The following CELF2 variants were observed in gnomAD, a reference collection of about 807,000 sequenced individuals.
CELF2 encodes the protein CUG triplet repeat RNA-binding protein 2.
A neutral mutation model predicts 62.6 loss-of-function variants in CELF2; 8 were observed. The ratio of observed to expected loss-of-function variants is 0.13; its 90% CI spans 0.07 to 0.23. The LOEUF (loss-of-function observed/expected upper bound fraction) is 0.23, where lower values mean the gene tolerates loss of function less well. CELF2 is among the 10% of genes least tolerant of loss of function. The probability of loss-of-function intolerance (pLI) is 1.00; values close to 1 mark genes in which losing one functional copy is unlikely to be tolerated. For synonymous variants in CELF2, 258 were observed against 250.0 expected, an observed-to-expected ratio of 1.03 and a Z score of -0.30; for missense variants, 333 against 671.0, an observed-to-expected ratio of 0.50 and a Z score of 5.56.
the CELF2 span, among the ~76,000 whole-genome samples, chr10:10,714,686 G>A: frequency 1.3e-5 from 2 of 152,098 alleles, no homozygotes; most frequent in African/African-American, 4.8e-5. Context: ...TTCTTTAGAA[G>A]GGATACCTTT....
the CELF2 span, among the ~76,000 whole-genome samples, chr10:10,500,543 G>A: frequency 7.9e-5 from 12 of 152,264 alleles, no homozygotes; most frequent in South Asian, 4.1e-4. Context: ...CTGCCGCCAT[G>A]TAAGACATGC....
intron 1 of CELF2, among the ~76,000 whole-genome samples, chr10:11,099,125 G>T (rs1029040670): frequency 1.2e-4 from 18 of 152,182 alleles, no homozygotes; most frequent in African/African-American, 3.6e-4. Flanking sequence ...TCAGTTGGAA[G>T]GAACTATTTG....
intron 1 of CELF2, among the ~76,000 whole-genome samples, chr10:10,829,525 AT>A (rs1554846771): frequency 6.6e-6 from 1 of 152,204 alleles, no homozygotes; most frequent in Non-Finnish European, 1.5e-5. Context: ...ATTTTGATCA[AT>A]TCAATCAATT....
chr10:10,650,039 C>G, the CELF2 span, among the ~76,000 whole-genome samples: 1 of 152,176 alleles, frequency 6.6e-6, no homozygotes, highest in East Asian at 1.9e-4. Flanking sequence ...TCCAGGAATG[C>G]CAATCACATT....
At chr10:10,776,900 C>T in the CELF2 span, among the ~76,000 whole-genome samples, 2 of 152,242 alleles carry the variant, frequency 1.3e-5, no homozygotes, top group East Asian at 1.9e-4. Context: ...CTACAAAGGT[C>T]AACACGTCCT....
intron 9 of CELF2, 97 bp downstream of exon 9, chr10:11,288,649 C>G: frequency 1.4e-6 from 2 of 1,380,606 alleles, no homozygotes; most frequent in Non-Finnish European, 2.0e-6. Context: ...TAGACGTGTC[C>G]AGGATGGAGC....
In CELF2 at chr10:11,214,349, G is replaced by T. The variant is rs535962936; in HGVS notation, c.272-3076G>T. Among the ~76,000 whole-genome samples, 2 of 152,282 alleles carry T rather than the reference G, an allele frequency of 1.3e-5. No individual in the cohort carries two copies. Among genetic ancestry groups the T allele is most frequent in the African/African-American group, 4.8e-5 (2 of 41,550 alleles). ...TGAGGAGGTAAGATATTTCCCCACG[G>T]TAAGTCATTCAGAAACTAAATGTGA... On this transcript the variant is annotated intron_variant, in intron 2 of 12. Coordinates refer to ENST00000633077, the MANE Select transcript of CELF2 (RefSeq NM_001326342.2). The surrounding 1 kb of genome is among the most constrained non-coding windows in gnomAD (Gnocchi z 4.2).
chr10:11,024,418 T>C (rs939437439), intron 1 of CELF2, among the ~76,000 whole-genome samples: 1 of 152,168 alleles, frequency 6.6e-6, no homozygotes, highest in Admixed American at 6.5e-5. Context: ...CTGGCCAACA[T>C]GGCAAAACCC....
At chr10:11,160,042 G>C (rs2133110195) in intron 1 of CELF2, among the ~76,000 whole-genome samples, 1 of 152,346 alleles carries the variant, frequency 6.6e-6, no homozygotes, top group Admixed American at 6.5e-5. Context: ...CAGCTCTCCA[G>C]CCTGCAGCCT....
At chr10:11,077,730 T>C (rs2072519699) in intron 1 of CELF2, among the ~76,000 whole-genome samples, 1 of 152,168 alleles carries the variant, frequency 6.6e-6, no homozygotes, top group Admixed American at 6.6e-5. Flanking sequence ...GGGGTGAGCC[T>C]CTTGACAGAT....
chr10:10,632,203 G>C, the CELF2 span, among the ~76,000 whole-genome samples: 1 of 152,122 alleles, frequency 6.6e-6, no homozygotes, highest in Admixed American at 6.5e-5. Context: ...ATTTAAATCT[G>C]ATCTAAAACT....
chr10:10,985,476 T>C (rs1209941782), intron 2 of CELF2, among the ~76,000 whole-genome samples: 1 of 152,184 alleles, frequency 6.6e-6, no homozygotes, highest in Non-Finnish European at 1.5e-5. Context: ...AGGGCCCTTT[T>C]GTAAGACACC....
the CELF2 span, among the ~76,000 whole-genome samples, chr10:10,687,210 T>C: frequency 9.1e-3 from 1,391 of 152,314 alleles, 23 homozygotes; most frequent in African/African-American, 0.032. Flanking sequence ...TTTTAATGGA[T>C]ACTGGTCACC....
intron 1 of CELF2, among the ~76,000 whole-genome samples, chr10:11,070,129 A>AT (rs151319386): frequency 6.6e-6 from 1 of 151,772 alleles, no homozygotes. Flanking sequence ...CAAAAAGTAA[A>AT]AAAATAAAAG....
chr10:10,851,897 A>T (rs1383806994), intron 1 of CELF2, among the ~76,000 whole-genome samples: 1 of 152,166 alleles, frequency 6.6e-6, no homozygotes. Flanking sequence ...GAAACTAGTG[A>T]CCTGTTCCTG....
chr10:10,764,936 T>C, the CELF2 span, among the ~76,000 whole-genome samples: 3 of 152,280 alleles, frequency 2.0e-5, no homozygotes, highest in East Asian at 3.9e-4. Flanking sequence ...AAGCCTGAGA[T>C]AAAAGCTCAT....
intron 1 of CELF2, among the ~76,000 whole-genome samples, chr10:10,859,565 GA>G (rs1356106358): frequency 6.6e-6 from 1 of 152,078 alleles, no homozygotes; most frequent in Non-Finnish European, 1.5e-5. Flanking sequence ...ATTTCACATA[GA>G]AAAATGTTTT....
At chr10:10,798,089 G>A (rs2054267399), upstream of CELF2, among the ~76,000 whole-genome samples, 1 of 152,114 alleles carries the variant, frequency 6.6e-6, no homozygotes, top group African/African-American at 2.4e-5. Flanking sequence ...AGCCAGCAAA[G>A]GGTGGGGGAG....
Position 11,224,657 on chromosome 10 carries a change from G to A in CELF2, c.354+7150G>A, listed in dbSNP as rs576972655. Among the ~76,000 whole-genome samples the A allele has an allele frequency of 1.4e-4, 21 of 152,162 alleles. No individual in the cohort carries two copies. The highest frequency in any genetic ancestry group is 2.8e-4 in the Non-Finnish European group (19 of 68,034). ...AAATTGTCCAAATTCTGTCATTAGC[G>A]TATAGGGTTTCCATGAGAACTCATC... On this transcript the variant is annotated intron_variant, in intron 3 of 12. Coordinates refer to ENST00000633077, the MANE Select transcript of CELF2 (RefSeq NM_001326342.2). The surrounding 1 kb of genome is among the most constrained non-coding windows in gnomAD (Gnocchi z 4.5).
Sources: gnomAD v4.1 joint callset for allele counts (sites outside exome capture counted in the v4.1 genomes callset) on GRCh38, gnomAD v4.1.1 for gene constraint, Gnocchi (gnomAD v3.1) non-coding constraint, MANE v1.5 for transcripts, NCBI Gene and HGNC (gene_info 2026-07-23, HGNC 2026-07-21) for gene names.